CD226: variants seen among roughly 807,000 people sequenced by gnomAD.
The protein encoded by CD226 is CD226 molecule, also known as CD226 antigen.
Under a neutral mutation model 34.9 loss-of-function variants are expected in CD226, and 24 were observed. The ratio of observed to expected loss-of-function variants is 0.69; its 90% CI spans 0.50 to 0.97. The LOEUF (loss-of-function observed/expected upper bound fraction) is 0.97. Ranked by LOEUF, CD226 falls within the 50% of genes least tolerant of loss-of-function variation. CD226 has a pLI of 0.00. For missense variants in CD226, 397 were observed against 412.7 expected, an observed-to-expected ratio of 0.96 and a Z score of 0.33; for synonymous variants, 148 against 147.4, an observed-to-expected ratio of 1.00 and a Z score of -0.03.
intron 3 of CD226, among the ~76,000 whole-genome samples, chr18:69,880,068 G>T: frequency 6.6e-6 from 1 of 151,940 alleles, no homozygotes. Flanking sequence ...TTTTCTCTTT[G>T]TTTATATGCT....
chr18:69,885,847 G>C (rs1198045731), intron 3 of CD226, among the ~76,000 whole-genome samples: 1 of 152,138 alleles, frequency 6.6e-6, no homozygotes, highest in African/African-American at 2.4e-5. Context: ...AGGAAGGAAG[G>C]GGAGAAGGTC....
rs900200334 is a variant in CD226, at chr18:69,918,903, G to A, written c.383-22858C>T. ...GTATAATTTCGTGGACTGAATGTGTGGGGCAGGCTAGTGATACTTCAGGAA... is the reference window on the plus strand; with the variant it reads ...GTATAATTTCGTGGACTGAATGTGTAGGGCAGGCTAGTGATACTTCAGGAA... On this transcript the variant is annotated intron_variant, in intron 2 of 5. Coordinates refer to ENST00000582621, the MANE Select transcript of CD226 (RefSeq NM_001303618.2). Among the ~76,000 whole-genome samples the A allele has an allele frequency of 2.0e-5, 3 of 152,162 alleles. No homozygotes were observed. In the East Asian group the frequency reaches 5.8e-4, roughly 29 times the overall value.
At chr18:69,903,251 G>A (rs180799265) in intron 2 of CD226, among the ~76,000 whole-genome samples, 2 of 152,272 alleles carry the variant, frequency 1.3e-5, no homozygotes, top group Admixed American at 6.5e-5. Flanking sequence ...GACAGTCGTG[G>A]TGGACACTGA....
upstream of CD226, among the ~76,000 whole-genome samples, chr18:69,949,577 C>T (rs1487738719): frequency 6.8e-6 from 1 of 147,908 alleles, no homozygotes; most frequent in African/African-American, 2.6e-5. Flanking sequence ...GCCTGTGTCC[C>T]TTCACACACA....
chr18:69,902,230 T>C (rs2055196068), intron 2 of CD226, among the ~76,000 whole-genome samples: 1 of 152,128 alleles, frequency 6.6e-6, no homozygotes, highest in African/African-American at 2.4e-5. Flanking sequence ...AAACGGGATC[T>C]TTCTCCCATT....
intron 4 of CD226, among the ~76,000 whole-genome samples, chr18:69,870,876 T>G (rs1236670228): frequency 6.6e-6 from 1 of 152,202 alleles, no homozygotes; most frequent in Non-Finnish European, 1.5e-5. Flanking sequence ...TTGGGTCATC[T>G]TTCGAAGCAT....
intron 3 of CD226, among the ~76,000 whole-genome samples, chr18:69,889,819 G>A (rs1984782180): frequency 6.6e-6 from 1 of 152,082 alleles, no homozygotes; most frequent in African/African-American, 2.4e-5. Flanking sequence ...GGAAATATCT[G>A]GGAAGATTCT....
intron 3 of CD226, among the ~76,000 whole-genome samples, chr18:69,886,820 T>G (rs1984585562): frequency 6.6e-6 from 1 of 152,164 alleles, no homozygotes. Context: ...GTTATAAATG[T>G]TGTACAGATC....
In CD226 at chr18:69,954,381, T is replaced by C. The variant is rs60012230; in HGVS notation, c.-28+2374A>G. On this transcript the variant is annotated intron_variant, in intron 1 of 6. Coordinates refer to the CD226 transcript ENST00000280200. ...TGATTTAAGATATTTTTAAAAATCA[T>C]TATGTGCTTATTAAACAAATGCCAA... Among the ~76,000 whole-genome samples the C allele has an allele frequency of 6.8e-3, 1,031 of 152,324 alleles. 4 individuals carry two copies. Among genetic ancestry groups the C allele is most frequent in the Middle Eastern group, 0.01 (3 of 294 alleles).
chr18:69,953,221 A>G (rs2055868790), intron 1 of CD226, among the ~76,000 whole-genome samples: 1 of 152,238 alleles, frequency 6.6e-6, no homozygotes, highest in Admixed American at 6.5e-5. Context: ...ATTCCTAGGT[A>G]TATACTCAAA....
chr18:69,961,302 A>AT (rs1201772713), upstream of CD226, among the ~76,000 whole-genome samples: 1 of 152,228 alleles, frequency 6.6e-6, no homozygotes, highest in African/African-American at 2.4e-5. Flanking sequence ...ATGCTCCTCT[A>AT]TGGCAAGACC....
chr18:69,868,305 G>T (rs1486478296), intron 4 of CD226, among the ~76,000 whole-genome samples: 1 of 152,148 alleles, frequency 6.6e-6, no homozygotes, highest in African/African-American at 2.4e-5. Context: ...AGATACAGAA[G>T]ATACAGAAAT....
chr18:69,930,429 G>C (rs1458871592), intron 2 of CD226, among the ~76,000 whole-genome samples: 1 of 152,084 alleles, frequency 6.6e-6, no homozygotes, highest in African/African-American at 2.4e-5. Context: ...AAATCTCTGA[G>C]AACACAGGGA....
intron 2 of CD226, among the ~76,000 whole-genome samples, chr18:69,896,736 T>C (rs1788114): frequency 0.48 from 72,607 of 151,996 alleles, 18,611 homozygotes; most frequent in Middle Eastern, 0.68. Flanking sequence ...ACCTACAGTA[T>C]CAAATGTTCA....
Position 69,862,970 on chromosome 18 carries a change from T to C in CD226, c.*1344A>G, listed in dbSNP as rs1017035507. ...AACCATTGTCCTTTCAAGGTAACCA[T>C]GACAGTTTTATTCAGTTTGGCAAAT... On this transcript the variant is annotated 3_prime_UTR_variant, in exon 6 of 6. Coordinates refer to ENST00000582621, the MANE Select transcript of CD226 (RefSeq NM_001303618.2). 6.7e-6 allele frequency: 1 copy of C among 149,136 alleles called. No individual in the cohort carries two copies. The highest frequency in any genetic ancestry group is 1.5e-5 in the Non-Finnish European group (1 of 65,910). 9.2% of individuals were successfully genotyped at this position (149,136 alleles called of 1,614,324 possible).
chr18:69,925,092 C>T (rs2055505780), intron 2 of CD226, among the ~76,000 whole-genome samples: 2 of 152,210 alleles, frequency 1.3e-5, no homozygotes, highest in Admixed American at 1.3e-4. Context: ...AAATCCTCCA[C>T]TCAGCTTGCT....
At chr18:69,875,542 C>G (rs1983812835) in intron 3 of CD226, among the ~76,000 whole-genome samples, 1 of 152,234 alleles carries the variant, frequency 6.6e-6, no homozygotes, top group African/African-American at 2.4e-5. Flanking sequence ...CACATCCTCA[C>G]CAACACTTGC....
chr18:69,873,145 T>C lies in CD226; in HGVS notation c.829A>G (p.Arg277Gly). Residue 277 changes from arginine to glycine, a missense_variant and splice_region_variant, in exon 4 of 6, where the codon AGA (arginine) becomes GGA (glycine). Physicochemically the swap from Arg to Gly is moderately radical, Grantham distance 125 (BLOSUM62 -2). Transcript: ENST00000582621. Reference sequence around the variant, plus strand: ...TTCAGCATAAGTTGCACTACTCACCTGTTAAGGAAAATGACAATGATGGTG... The same window carrying C: ...TTCAGCATAAGTTGCACTACTCACCCGTTAAGGAAAATGACAATGATGGTG... ...ITTIIVIFLN[R>G]RRRRERRDLF... 6.5e-7 allele frequency: 1 copy of C among 1,536,060 alleles called. No individual in the cohort carries two copies. Among genetic ancestry groups the C allele is most frequent in the Non-Finnish European group, 9.0e-7 (1 of 1,109,042 alleles).
At chr18:69,929,802 A>G (rs561955528) in intron 2 of CD226, among the ~76,000 whole-genome samples, 103 of 152,298 alleles carry the variant, frequency 6.8e-4, no homozygotes, top group African/African-American at 2.4e-3. Flanking sequence ...GATCCCAAGT[A>G]AAACCTGGTG....
Sources: allele counts gnomAD v4.1 joint callset (sites outside exome capture counted in the v4.1 genomes callset), GRCh38; gene constraint gnomAD v4.1.1; transcripts MANE v1.5; gene names NCBI Gene and HGNC (gene_info 2026-07-23, HGNC 2026-07-21).